Variants in HACL1 observed in about 807,000 individuals in gnomAD.
HACL1 encodes 1600020H07Rik.
In HACL1, 64 loss-of-function variants were observed where a neutral mutation model predicts 74.2. The ratio of observed to expected loss-of-function variants is 0.86; its 90% CI spans 0.70 to 1.06. The LOEUF (loss-of-function observed/expected upper bound fraction) is 1.06. Among genes scored for constraint, HACL1 ranks in the 50% least tolerant of loss-of-function variants. The pLI is 0.00. For synonymous variants in HACL1, 230 were observed against 238.8 expected (o/e 0.96, Z 0.34); for missense variants, 728 against 719.7 (o/e 1.01, Z -0.13).
At chr3:15,562,963 ACCT>A (rs2063368475) in intron 16 of HACL1, among the ~76,000 whole-genome samples, 2 of 144,844 alleles carry the variant, frequency 1.4e-5, no homozygotes, top group South Asian at 2.2e-4. Context: ...TTTAAGAATC[ACCT>A]CCTCTGAGAA....
intron 15 of HACL1, among the ~76,000 whole-genome samples, chr3:15,564,252 C>T (rs2063394578): frequency 6.6e-6 from 1 of 152,188 alleles, no homozygotes; most frequent in African/African-American, 2.4e-5. Context: ...ATCAGTAGTC[C>T]TACTATTGCT....
intron 16 of HACL1, among the ~76,000 whole-genome samples, chr3:15,562,952 G>A (rs1312006301): frequency 4.1e-5 from 6 of 146,926 alleles, no homozygotes; most frequent in Admixed American, 1.3e-4. Context: ...TCTGATCTCC[G>A]TTTAAGAATC....
At chr3:15,573,132 C>T (rs1367091281) in intron 11 of HACL1, 27 bp downstream of exon 11, 3 of 1,264,010 alleles carry the variant, frequency 2.4e-6, no homozygotes, top group African/African-American at 1.5e-5. Context: ...ATAAGCACTC[C>T]ACATAAACTA....
chr3:15,584,239 T>C lies in HACL1; in HGVS notation c.554+1009A>G, dbSNP rs1312132478. 3.3e-5 allele frequency among the ~76,000 whole-genome samples: 5 copies of C among 152,186 alleles called. No individual in the cohort carries two copies. In the South Asian group the frequency reaches 8.3e-4, roughly 25 times the overall value. On this transcript the variant is annotated intron_variant, in intron 7 of 16. Coordinates refer to ENST00000321169, the MANE Select transcript of HACL1 (RefSeq NM_012260.4). ...CCCCTTAGTAGTATTTTGATTATCATGTTCAGGTATTAGGCAGAATAAACA... is the reference window on the plus strand; with the variant it reads ...CCCCTTAGTAGTATTTTGATTATCACGTTCAGGTATTAGGCAGAATAAACA...
intron 3 of HACL1, among the ~76,000 whole-genome samples, chr3:15,593,209 A>G (rs941577174): frequency 3.6e-5 from 5 of 138,120 alleles, no homozygotes; most frequent in African/African-American, 6.3e-5. Flanking sequence ...GCGTGTGTGT[A>G]TATATATACA....
At chr3:15,599,159 C>A (rs2064128065) in intron 2 of HACL1, among the ~76,000 whole-genome samples, 1 of 152,236 alleles carries the variant, frequency 6.6e-6, no homozygotes, top group Non-Finnish European at 1.5e-5. Flanking sequence ...ACAGCACTTA[C>A]CACCTTATAA....
intron 2 of HACL1, among the ~76,000 whole-genome samples, chr3:15,600,000 T>C (rs1311015777): frequency 6.6e-6 from 1 of 152,056 alleles, no homozygotes; most frequent in African/African-American, 2.4e-5. Context: ...ACAAGTAAAA[T>C]GTAGAAGCAA....
At chr3:15,601,047 A>T (rs762449469) in intron 2 of HACL1, 43 bp downstream of exon 2, 25 of 1,176,980 alleles carry the variant, frequency 2.1e-5, no homozygotes, top group Admixed American at 2.0e-4. Flanking sequence ...GCTATTACTG[A>T]TCATTCCCAG....
In HACL1 at chr3:15,568,517, G is replaced by C. The variant is rs144301413; in HGVS notation, c.1165C>G (p.Pro389Ala). The stretch of plus-strand genomic sequence containing the variant: ...TCACTTACCACGAAACAGTCTCTAG[G>C]TAGTTGTTCTTGAACATGGTAGAAT... ...TVFYHVQEQL[P>A]RDCFVVSEGA... The change falls in exon 13 of 17, where the codon CCT becomes GCT. Residue 389 changes from proline to alanine, a missense_variant. Pro to Ala is a conservative substitution (Grantham distance 27, BLOSUM62 -1). Transcript: ENST00000321169. 2.5e-6 allele frequency: 4 copies of C among 1,591,716 alleles called. No individual in the cohort carries two copies. In the African/African-American group the frequency reaches 4.0e-5, roughly 16 times the overall value.
intron 14 of HACL1, among the ~76,000 whole-genome samples, chr3:15,567,266 A>T (rs143940573): frequency 0.054 from 7,377 of 136,608 alleles, 201 homozygotes; most frequent in Middle Eastern, 0.073. Context: ...GCTAGAGTGC[A>T]GTGGTGCGAT....
Position 15,574,977 on chromosome 3 carries a change from C to T in HACL1, c.909G>A (p.Gln303=). ...PRYQPDVKFI[Q]VDICAEELGN... Reference sequence around the variant, plus strand: ...TTTTAAGTTCCTCCTCTCTAAGTACCTGGATAAACTTCACATCTGGCTGAT... The same window carrying T: ...TTTTAAGTTCCTCCTCTCTAAGTACTTGGATAAACTTCACATCTGGCTGAT... Residue 303 remains glutamine (Q), a splice_region_variant and synonymous_variant, in exon 10 of 17, where the codon CAG becomes CAA. Transcript: ENST00000321169. The T allele has an allele frequency of 1.4e-6, 2 of 1,407,050 alleles. No homozygotes were observed. The highest frequency in any genetic ancestry group is 2.0e-6 in the Non-Finnish European group (2 of 994,156). The allele number at this position is 1,407,050 out of a possible 1,614,324, so 87.2% of individuals were successfully genotyped here.
At chr3:15,596,170 A>G in intron 3 of HACL1, 1 of 508,532 alleles carries the variant, frequency 2.0e-6, no homozygotes. Flanking sequence ...CCAGTGATTC[A>G]CTCTACAAAA....
intron 9 of HACL1, among the ~76,000 whole-genome samples, chr3:15,577,590 A>T (rs1356961567): frequency 6.6e-6 from 1 of 152,110 alleles, no homozygotes; most frequent in Non-Finnish European, 1.5e-5. Flanking sequence ...CAGGAGATCA[A>T]GACCAGCATG....
intron 3 of HACL1, among the ~76,000 whole-genome samples, chr3:15,593,375 G>A (rs573141339): frequency 3.3e-5 from 5 of 151,774 alleles, no homozygotes; most frequent in Non-Finnish European, 5.9e-5. Flanking sequence ...CACCACACCC[G>A]GCTAATTTTT....
rs1246581937 is a variant in HACL1 at position 15,575,078 on chromosome 3, A to G, written c.808T>C (p.Leu270=). The change falls in exon 10 of 17, where the codon TTG becomes CTG. Residue 270 remains leucine, a synonymous_variant. Transcript: ENST00000321169. ...YCVGAARSRA[L]QFADVIVLFG... ...AACACAATTACATCAGCAAATTGCA[A>G]AGCCCTATTAAAAAAATTGATATGA... 1.3e-6 allele frequency: 2 copies of G among 1,517,742 alleles called. No individual in the cohort carries two copies. The highest frequency in any genetic ancestry group is 1.8e-6 in the Non-Finnish European group (2 of 1,095,850). The allele number at this position is 1,517,742 out of a possible 1,614,324, so 94.0% of individuals were successfully genotyped here. A position where few individuals can be genotyped will look rare whatever the true frequency, so the allele number is the denominator to read the frequency against.
intron 4 of HACL1, 108 bp downstream of exon 4, chr3:15,591,492 G>T (rs992724527): frequency 2.4e-4 from 129 of 542,408 alleles, no homozygotes; most frequent in Middle Eastern, 9.3e-4. Flanking sequence ...AATTGAAGGG[G>T]TTTTTTTTTT....
intron 1 of HACL1, 92 bp from the exon 2 acceptor site, chr3:15,601,286 C>G: frequency 1.9e-6 from 3 of 1,577,312 alleles, no homozygotes; most frequent in Non-Finnish European, 1.7e-6. Flanking sequence ...GGAAAACCCC[C>G]CGACCCCCAT....
chr3:15,593,190 T>C (rs547184869), intron 3 of HACL1, among the ~76,000 whole-genome samples: 30 of 148,056 alleles, frequency 2.0e-4, no homozygotes, highest in South Asian at 4.2e-4. Flanking sequence ...TATACACACA[T>C]ATATATGTGC....
chr3:15,568,589 GA>G lies in HACL1; in HGVS notation c.1096-4del. 6.8e-7 allele frequency: 1 copy of G among 1,472,796 alleles called. No individual in the cohort carries two copies. Among genetic ancestry groups the G allele is most frequent in the South Asian group, 1.2e-5 (1 of 82,616 alleles). 91.2% of individuals were successfully genotyped at this position (1,472,796 alleles called of 1,614,324 possible). A position where few individuals can be genotyped will look rare whatever the true frequency, so the allele number is the denominator to read the frequency against. On this transcript the variant is annotated splice_region_variant and splice_polypyrimidine_tract_variant and intron_variant, in intron 12 of 16. Coordinates refer to ENST00000321169, the MANE Select transcript of HACL1 (RefSeq NM_012260.4). ...AGGGATTTTTTAGAAGCTAGTTCCT[GA>G]AAAGTAGATGGGAATATAATCAAAT...
Sources: gnomAD v4.1 joint callset for allele counts (sites outside exome capture counted in the v4.1 genomes callset) on GRCh38, gnomAD v4.1.1 for gene constraint, MANE v1.5 for transcripts, NCBI Gene and HGNC (gene_info 2026-07-23, HGNC 2026-07-21) for gene names.